Variants in UNC13C observed in about 807,000 individuals in gnomAD.
The protein encoded by UNC13C is unc-13 homolog C, also known as protein unc-13 homolog C.
UNC13C carries 174 observed loss-of-function variants against 245.4 expected under a neutral mutation model. The ratio of observed to expected loss-of-function variants is 0.71; its 90% CI spans 0.63 to 0.80. The LOEUF (loss-of-function observed/expected upper bound fraction) is 0.80, where lower values mean the gene tolerates loss of function less well. UNC13C is among the 30% of genes least tolerant of loss of function. UNC13C has a pLI of 0.00. For missense variants in UNC13C, 2,829 were observed against 2,602.9 expected, an observed-to-expected ratio of 1.09 and a Z score of -1.89; for synonymous variants, 992 against 895.1, an observed-to-expected ratio of 1.11 and a Z score of -1.93.
At chr15:54,320,820 C>G in intron 13 of UNC13C, 1 of 321,906 alleles carries the variant, frequency 3.1e-6, no homozygotes, top group Non-Finnish European at 6.0e-6. Context: ...TCCATGACCA[C>G]AGGAACTAGA....
chr15:54,291,815 G>A (rs1043238074), intron 10 of UNC13C, among the ~76,000 whole-genome samples: 1 of 151,944 alleles, frequency 6.6e-6, no homozygotes, highest in African/African-American at 2.4e-5. Flanking sequence ...CTGAAACAAA[G>A]TAACGCATGA....
chr15:54,077,380 T>C (rs901397339), intron 2 of UNC13C, among the ~76,000 whole-genome samples: 10 of 120,640 alleles, frequency 8.3e-5, no homozygotes, highest in African/African-American at 1.3e-4. Flanking sequence ...TCTTTTCTTT[T>C]TTTTTTTTTT....
chr15:54,086,622 A>T (rs1160229056), intron 2 of UNC13C, among the ~76,000 whole-genome samples: 1 of 152,200 alleles, frequency 6.6e-6, no homozygotes, highest in Non-Finnish European at 1.5e-5. Flanking sequence ...GAAATGGCGA[A>T]AAACAGGAAT....
chr15:54,432,341 G>A (rs543112071), intron 19 of UNC13C, among the ~76,000 whole-genome samples: 5 of 151,516 alleles, frequency 3.3e-5, no homozygotes, highest in South Asian at 4.2e-4. Flanking sequence ...TCAGAAAAGC[G>A]TTCCATAAGG....
intron 2 of UNC13C, among the ~76,000 whole-genome samples, chr15:54,026,703 TATC>T (rs1486094616): frequency 2.0e-5 from 3 of 152,246 alleles, no homozygotes; most frequent in Admixed American, 6.5e-5. Flanking sequence ...TGGCTACAGT[TATC>T]ATCTGTATCC....
At chr15:54,173,771 A>G (rs1193561911) in intron 4 of UNC13C, among the ~76,000 whole-genome samples, 1 of 152,120 alleles carries the variant, frequency 6.6e-6, no homozygotes, top group Non-Finnish European at 1.5e-5. Flanking sequence ...ATGACAATGG[A>G]CATCCTTGCT....
At chr15:54,459,087 G>A (rs964434524) in intron 19 of UNC13C, among the ~76,000 whole-genome samples, 8 of 152,006 alleles carry the variant, frequency 5.3e-5, no homozygotes, top group Non-Finnish European at 8.8e-5. Flanking sequence ...TAGTGCTGGC[G>A]TGGTAGTGGT....
intron 30 of UNC13C, among the ~76,000 whole-genome samples, chr15:54,608,787 C>T (rs531775542): frequency 6.6e-6 from 1 of 152,186 alleles, no homozygotes; most frequent in Non-Finnish European, 1.5e-5. Flanking sequence ...TTCTCTATTT[C>T]TCTTCTGACA....
At chr15:54,429,049 G>C (rs1002441403) in intron 19 of UNC13C, among the ~76,000 whole-genome samples, 1 of 151,714 alleles carries the variant, frequency 6.6e-6, no homozygotes. Context: ...GCTTTTAAAG[G>C]ATTTTGTAGC....
At position 54,208,152 on chromosome 15, in the gene UNC13C, A is replaced by G. The variant is rs556119097; in HGVS notation, c.3072-26878A>G. Among the ~76,000 whole-genome samples the G allele has an allele frequency of 2.0e-5, 3 of 152,080 alleles. No individual in the cohort carries two copies. The South Asian group carries it at 6.2e-4, about 32-fold the overall frequency. On this transcript the variant is annotated intron_variant, in intron 4 of 32. Transcript: ENST00000260323. ...ATGGTGAGAGCAGGAAAAAGATAGA[A>G]AGAGGAAAGAGGTGCCACATACTCT...
At chr15:53,950,326 G>A in the UNC13C span, among the ~76,000 whole-genome samples, 1 of 152,088 alleles carries the variant, frequency 6.6e-6, no homozygotes, top group Non-Finnish European at 1.5e-5. Flanking sequence ...TAAGCAATTT[G>A]CCCAGAGAAG....
At chr15:54,514,169 C>T (rs1030809264) in intron 24 of UNC13C, among the ~76,000 whole-genome samples, 2 of 152,166 alleles carry the variant, frequency 1.3e-5, no homozygotes, top group Non-Finnish European at 2.9e-5. Flanking sequence ...GTTTCCTTAA[C>T]TTGGGGCTTT....
the UNC13C span, among the ~76,000 whole-genome samples, chr15:53,859,552 A>C: frequency 6.6e-6 from 1 of 152,232 alleles, no homozygotes. Context: ...CACCAAAAAA[A>C]GAAAAAGATA....
At chr15:54,031,743 G>GTATTTCT (rs1233613055) in intron 2 of UNC13C, among the ~76,000 whole-genome samples, 1 of 152,126 alleles carries the variant, frequency 6.6e-6, no homozygotes. Context: ...GCCTTTTATA[G>GTATTTCT]ATACTATAGA....
intron 19 of UNC13C, among the ~76,000 whole-genome samples, chr15:54,418,374 G>A (rs1014962965): frequency 8.6e-5 from 13 of 152,042 alleles, no homozygotes; most frequent in Non-Finnish European, 1.8e-4. Flanking sequence ...CCCCTATGTC[G>A]TTTTAGTGGG....
At position 54,191,581 on chromosome 15, in the gene UNC13C, T is replaced by C. The variant is rs372045620; in HGVS notation, c.3072-43449T>C. ...GTATATACCCAGTAAATGGGATTGC[T>C]GGGTCAAATGGTGTTTCTGCTTCTA... On this transcript the variant is annotated intron_variant, in intron 4 of 32. Coordinates refer to ENST00000260323, the MANE Select transcript of UNC13C (RefSeq NM_001080534.3). 7.5e-4 allele frequency among the ~76,000 whole-genome samples: 114 copies of C among 152,304 alleles called. 2 individuals carry two copies. In the South Asian group the frequency reaches 0.022, roughly 30 times the overall value.
chr15:53,933,156 C>G, the UNC13C span, among the ~76,000 whole-genome samples: 2 of 152,170 alleles, frequency 1.3e-5, no homozygotes, highest in Non-Finnish European at 2.9e-5. Flanking sequence ...TCATCTCAGC[C>G]TGGACAATTA....
chr15:53,885,207 C>G, the UNC13C span, among the ~76,000 whole-genome samples: 10 of 152,212 alleles, frequency 6.6e-5, no homozygotes, highest in Admixed American at 3.9e-4. Context: ...GAACCAAGGT[C>G]TTTCTGAACT....
intron 4 of UNC13C, among the ~76,000 whole-genome samples, chr15:54,208,553 G>T (rs1436085299): frequency 6.6e-6 from 1 of 152,082 alleles, no homozygotes; most frequent in Non-Finnish European, 1.5e-5. Context: ...CACAGAGCCT[G>T]AATTCTAAGT....
Sources: gnomAD v4.1 joint callset for allele counts (sites outside exome capture counted in the v4.1 genomes callset) on GRCh38, gnomAD v4.1.1 for gene constraint, MANE v1.5 for transcripts, NCBI Gene and HGNC (gene_info 2026-07-23, HGNC 2026-07-21) for gene names.